Variants in PCDHA9 observed in about 807,000 individuals in gnomAD.
The protein encoded by PCDHA9 is protocadherin alpha 9, also known as protocadherin alpha-9.
In PCDHA9, 62 loss-of-function variants were observed where a neutral mutation model predicts 62.0. The ratio of observed to expected loss-of-function variants is 1.00; its 90% confidence interval spans 0.81 to 1.23. PCDHA9 has a LOEUF of 1.23. Ranked by LOEUF, PCDHA9 falls within the 50% of genes most tolerant of loss-of-function variation. The probability of loss-of-function intolerance (pLI) is 0.00; values close to 1 mark genes in which losing one functional copy is unlikely to be tolerated. For synonymous variants in PCDHA9, 557 were observed against 567.6 expected (o/e 0.98, Z 0.27); for missense variants, 1,205 against 1,249.8 (o/e 0.96, Z 0.54).
In PCDHA9 at chr5:140,857,236, G is replaced by C; in HGVS notation, c.2394+6347G>C. On this transcript the variant is annotated intron_variant, in intron 1 of 3. Transcript: ENST00000532602. ...TGACGCCTCACGTTCCGTTCAAGCTGGTGTCCACCTACAAGAATTACTACT... is the reference window on the plus strand; with the variant it reads ...TGACGCCTCACGTTCCGTTCAAGCTCGTGTCCACCTACAAGAATTACTACT... 6.9e-6 allele frequency: 11 copies of C among 1,598,556 alleles called. 1 individual carries two copies. Among genetic ancestry groups the C allele is most frequent in the Non-Finnish European group, 8.6e-6 (10 of 1,167,952 alleles).
intron 1 of PCDHA9, chr5:140,967,572 A>T (rs782502082): frequency 4.3e-6 from 7 of 1,613,544 alleles, no homozygotes; most frequent in Middle Eastern, 3.3e-4. Flanking sequence ...CTACGGGAGG[A>T]CTCACCCCCA....
intron 3 of PCDHA9, among the ~76,000 whole-genome samples, chr5:141,007,768 A>C (rs1457934171): frequency 2.0e-5 from 3 of 152,212 alleles, no homozygotes; most frequent in Non-Finnish European, 2.9e-5. Context: ...ATTGGCCTGG[A>C]AATGGTACTG....
At chr5:140,966,838 G>A in intron 1 of PCDHA9, 1 of 1,566,774 alleles carries the variant, frequency 6.4e-7, no homozygotes, top group South Asian at 1.2e-5. Context: ...CCTGGCTGCT[G>A]CTACTGCCTC....
chr5:140,959,622 A>T (rs1489618654), intron 1 of PCDHA9, among the ~76,000 whole-genome samples: 1 of 152,194 alleles, frequency 6.6e-6, no homozygotes, highest in Admixed American at 6.5e-5. Flanking sequence ...TTGTGATAGA[A>T]AAAAAGAGAG....
intron 3 of PCDHA9, among the ~76,000 whole-genome samples, chr5:141,007,112 G>A (rs1554261059): frequency 6.6e-6 from 1 of 152,170 alleles, no homozygotes; most frequent in African/African-American, 2.4e-5. Flanking sequence ...ACCCAAGGAA[G>A]CTTCAACACA....
intron 1 of PCDHA9, among the ~76,000 whole-genome samples, chr5:140,898,083 A>G (rs2066516404): frequency 6.6e-6 from 1 of 151,810 alleles, no homozygotes; most frequent in South Asian, 2.1e-4. Context: ...TAGATTCTGG[A>G]TATTAGCCCT....
rs2150416159 is a variant in PCDHA9 at position 140,848,653 on chromosome 5, G to A, written c.158G>A (p.Gly53Glu). Residue 53 changes from glycine to glutamate, a missense_variant, in exon 1 of 4, where the codon GGG becomes GAG. Transcript: ENST00000532602. ...GTGGGCCGCATCGCGCAGGACCTGG[G>A]GCTGGAGCTGGCGGAGCTGGTGCCG... ...TFVGRIAQDL[G>E]LELAELVPRL... is the part of the protein sequence containing the mutation. 1 of 1,592,724 alleles carries A rather than the reference G, an allele frequency of 6.3e-7. No individual in the cohort carries two copies. The highest frequency in any genetic ancestry group is 1.7e-5 in the Admixed American group (1 of 59,204).
chr5:140,907,479 G>A (rs782466276), intron 1 of PCDHA9, among the ~76,000 whole-genome samples: 1 of 152,216 alleles, frequency 6.6e-6, no homozygotes, highest in Non-Finnish European at 1.5e-5. Context: ...TGCAGGATAG[G>A]CAAACCCATA....
chr5:140,980,856 G>GT (rs2096908809), intron 2 of PCDHA9, among the ~76,000 whole-genome samples: 1 of 151,886 alleles, frequency 6.6e-6, no homozygotes, highest in Admixed American at 6.6e-5. Context: ...AATCTTTTTC[G>GT]TATGTGTGCT....
intron 1 of PCDHA9, among the ~76,000 whole-genome samples, chr5:140,922,855 A>C (rs1216713034): frequency 6.6e-6 from 1 of 152,246 alleles, no homozygotes; most frequent in Non-Finnish European, 1.5e-5. Context: ...GACCAAATAC[A>C]TAGACAAGGG....
At chr5:140,867,679 G>A (rs1264964965) in intron 1 of PCDHA9, 1 of 151,996 alleles carries the variant, frequency 6.6e-6, no homozygotes, top group Non-Finnish European at 1.5e-5. Flanking sequence ...AAATTTTGTT[G>A]CATCTTCTTT....
At position 140,877,744 on chromosome 5, in the gene PCDHA9, G is replaced by T. The variant is rs200651425; in HGVS notation, c.2394+26855G>T. ...TTACTCGCAGCAGAGGAGGCAGAGG[G>T]TGTGCTCTGCAGAGAGCCCGCCCAA... On this transcript the variant is annotated intron_variant, in intron 1 of 3. Coordinates refer to ENST00000532602, the MANE Select transcript of PCDHA9 (RefSeq NM_031857.2). The T allele has an allele frequency of 3.3e-3, 5,393 of 1,614,198 alleles. 26 individuals carry two copies. Among genetic ancestry groups the T allele is most frequent in the South Asian group, 0.011 (995 of 91,084 alleles).
Position 141,009,823 on chromosome 5 carries a change from C to T in PCDHA9, c.2739C>T (p.Phe913=), listed in dbSNP as rs2098414711. Residue 913 remains phenylalanine, a synonymous_variant, in exon 4 of 4, where the codon TTC becomes TTT. Transcript: ENST00000532602. The part of the protein sequence containing the change: ...PTNSQIDKSD[F]ITFGKKEETK... ...ACAGCCAAATTGACAAAAGTGACTTCATAACCTTCGGCAAAAAGGAGGAGA... is the reference window on the plus strand; with the variant it reads ...ACAGCCAAATTGACAAAAGTGACTTTATAACCTTCGGCAAAAAGGAGGAGA... 4 of 1,614,030 alleles carry T rather than the reference C, an allele frequency of 2.5e-6. No individual in the cohort carries two copies. The highest frequency in any genetic ancestry group is 3.4e-6 in the Non-Finnish European group (4 of 1,180,010).
intron 1 of PCDHA9, among the ~76,000 whole-genome samples, chr5:140,972,883 C>T (rs1020544230): frequency 1.1e-4 from 16 of 151,884 alleles, no homozygotes; most frequent in African/African-American, 1.7e-4. Context: ...AGGATGGTCT[C>T]GATCTCTTGA....
intron 1 of PCDHA9, chr5:140,863,439 T>C (rs781855193): frequency 3.3e-6 from 2 of 606,238 alleles, no homozygotes; most frequent in East Asian, 4.7e-5. Context: ...GATCTGGTCT[T>C]ACTCGCAGCA....
In PCDHA9 at chr5:140,853,126, G is replaced by A. The variant is rs182768558; in HGVS notation, c.2394+2237G>A. 8.6e-5 allele frequency: 48 copies of A among 560,326 alleles called. 1 individual carries two copies. In the East Asian group the frequency reaches 5.9e-3, roughly 68 times the overall value. The allele number at this position is 560,326 out of a possible 1,614,324, so 34.7% of individuals were successfully genotyped here. On this transcript the variant is annotated intron_variant, in intron 1 of 3. Coordinates refer to ENST00000532602, the MANE Select transcript of PCDHA9 (RefSeq NM_031857.2). ...GATCTCCTGACCTCATGATCCTCCC[G>A]CCTCAGCCTCCCAAAATGCTGGGAT...
intron 1 of PCDHA9, among the ~76,000 whole-genome samples, chr5:140,896,874 A>G (rs1009285499): frequency 1.3e-5 from 2 of 152,102 alleles, no homozygotes; most frequent in Non-Finnish European, 2.9e-5. Flanking sequence ...GTACATATTT[A>G]TGGGGTATAT....
At chr5:140,969,180 C>T in intron 1 of PCDHA9, 1 of 1,614,110 alleles carries the variant, frequency 6.2e-7, no homozygotes, top group Non-Finnish European at 8.5e-7. Context: ...GGGAGTGACA[C>T]TTTCATGTTT....
Position 140,969,340 on chromosome 5 carries a change from G to A in PCDHA9, c.2395-9609G>A, listed in dbSNP as rs1262555926. 6 of 1,613,738 alleles carry A rather than the reference G, an allele frequency of 3.7e-6. No homozygotes were observed. The African/African-American group carries it at 5.3e-5, about 14-fold the overall frequency. On this transcript the variant is annotated intron_variant, in intron 1 of 3. Coordinates refer to ENST00000532602, the MANE Select transcript of PCDHA9 (RefSeq NM_031857.2). The stretch of plus-strand genomic sequence containing the variant: ...CTGTTTCTCAAAATGAGGTGAGACA[G>A]TGGTCAGGGGGTCTTCTACAAACTC...
Sources: gnomAD v4.1 joint callset for allele counts (sites outside exome capture counted in the v4.1 genomes callset) on GRCh38, gnomAD v4.1.1 for gene constraint, MANE v1.5 for transcripts, NCBI Gene and HGNC (gene_info 2026-07-23, HGNC 2026-07-21) for gene names.